Variants in AUTS2 observed in about 807,000 individuals in gnomAD.
The protein encoded by AUTS2 is autism susceptibility gene 2 protein.
In AUTS2, 17 loss-of-function variants were observed where a neutral mutation model predicts 112.4. The observed-to-expected ratio is 0.15, with a 90% CI of 0.10 to 0.23. The LOEUF is 0.23. Ranked by LOEUF, AUTS2 falls within the 10% of genes least tolerant of loss-of-function variation. The pLI is 1.00. For missense variants in AUTS2, 1,510 were observed against 1,701.6 expected, an observed-to-expected ratio of 0.89 and a Z score of 1.98; for synonymous variants, 751 against 702.7, an observed-to-expected ratio of 1.07 and a Z score of -1.09.
chr7:70,678,081 CA>C (rs1381882313), intron 5 of AUTS2, among the ~76,000 whole-genome samples: 1 of 151,488 alleles, frequency 6.6e-6, no homozygotes. Context: ...GATTCTGCCT[CA>C]AAAAAAATTA....
intron 4 of AUTS2, among the ~76,000 whole-genome samples, chr7:70,340,284 C>T (rs1791204862): frequency 6.6e-6 from 1 of 151,426 alleles, no homozygotes; most frequent in Non-Finnish European, 1.5e-5. Flanking sequence ...GCATAAATGT[C>T]AAGATATATA....
intron 4 of AUTS2, among the ~76,000 whole-genome samples, chr7:70,321,158 A>G (rs1469688336): frequency 1.3e-5 from 2 of 152,232 alleles, no homozygotes; most frequent in Admixed American, 1.3e-4. Context: ...GAAAGGTTGG[A>G]AATCTGAGGA....
At chr7:70,649,044 GTC>G (rs539227332) in intron 5 of AUTS2, among the ~76,000 whole-genome samples, 116 of 152,292 alleles carry the variant, frequency 7.6e-4, no homozygotes, top group Middle Eastern at 3.4e-3. Context: ...ATTGACCTAA[GTC>G]TCTGATTATA....
intron 1 of AUTS2, among the ~76,000 whole-genome samples, chr7:69,670,840 C>G (rs1243465509): frequency 6.6e-6 from 1 of 152,008 alleles, no homozygotes; most frequent in South Asian, 2.1e-4. Flanking sequence ...GTACTCCAGC[C>G]TGGGTGACTG....
At chr7:69,691,482 T>C (rs1239680427) in intron 1 of AUTS2, among the ~76,000 whole-genome samples, 1 of 151,910 alleles carries the variant, frequency 6.6e-6, no homozygotes, top group Non-Finnish European at 1.5e-5. Context: ...GGGGCCGAGG[T>C]GGCAGAGGGC....
At chr7:70,062,073 C>G (rs956943401) in intron 2 of AUTS2, among the ~76,000 whole-genome samples, 1 of 151,540 alleles carries the variant, frequency 6.6e-6, no homozygotes, top group Admixed American at 6.6e-5. Flanking sequence ...CAGGCGTGAG[C>G]CACTGTGCCC....
At chr7:69,956,325 A>G (rs1443290225) in intron 2 of AUTS2, among the ~76,000 whole-genome samples, 7 of 152,218 alleles carry the variant, frequency 4.6e-5, no homozygotes, top group Non-Finnish European at 7.3e-5. Flanking sequence ...TCAAATGCAC[A>G]TACATACCTG....
intron 1 of AUTS2, among the ~76,000 whole-genome samples, chr7:69,863,847 G>T (rs1470516062): frequency 6.6e-6 from 1 of 152,176 alleles, no homozygotes; most frequent in African/African-American, 2.4e-5. Flanking sequence ...GCACCATAAT[G>T]CCATTAAGGC....
intron 4 of AUTS2, among the ~76,000 whole-genome samples, chr7:70,254,393 C>T (rs1361651405): frequency 6.6e-6 from 1 of 151,186 alleles, no homozygotes; most frequent in Non-Finnish European, 1.5e-5. Context: ...ATTAGTATTT[C>T]ATTATTCCAT....
intron 1 of AUTS2, among the ~76,000 whole-genome samples, chr7:69,750,500 T>C (rs538495767): frequency 7.3e-5 from 11 of 150,668 alleles, no homozygotes; most frequent in Middle Eastern, 3.5e-3. Flanking sequence ...GTAGTAGTAG[T>C]AGCAGTAGTA....
chr7:69,900,675 G>A (rs1794932936), intron 2 of AUTS2, among the ~76,000 whole-genome samples: 2 of 152,312 alleles, frequency 1.3e-5, no homozygotes, highest in South Asian at 2.1e-4. Flanking sequence ...ATATGATGTA[G>A]TGGGCAGTTT....
intron 4 of AUTS2, among the ~76,000 whole-genome samples, chr7:70,411,803 C>T (rs1794788233): frequency 6.6e-6 from 1 of 151,794 alleles, no homozygotes; most frequent in Non-Finnish European, 1.5e-5. Context: ...GACAACATGG[C>T]AGGTACTAAA....
chr7:70,623,236 T>C (rs951897457), intron 5 of AUTS2, among the ~76,000 whole-genome samples: 1 of 152,230 alleles, frequency 6.6e-6, no homozygotes, highest in Non-Finnish European at 1.5e-5. Context: ...TAGTTTCATT[T>C]AGCAGACCAG....
At chr7:69,944,863 GC>G (rs1796750347) in intron 2 of AUTS2, among the ~76,000 whole-genome samples, 1 of 152,166 alleles carries the variant, frequency 6.6e-6, no homozygotes, top group Non-Finnish European at 1.5e-5. Context: ...CAGCAAAGCA[GC>G]CTACTTTGAT....
chr7:70,113,096 C>T (rs1035819756), intron 2 of AUTS2, among the ~76,000 whole-genome samples: 8 of 152,028 alleles, frequency 5.3e-5, no homozygotes, highest in African/African-American at 1.9e-4. Flanking sequence ...ATTCTGTGAT[C>T]CCAGAAAAAT....
At chr7:70,595,965 C>A (rs185367731) in intron 5 of AUTS2, 18 of 150,120 alleles carry the variant, frequency 1.2e-4, no homozygotes, top group African/African-American at 4.0e-4. Flanking sequence ...GCGCGCTCTG[C>A]CTGCGCGCTT....
At chr7:69,688,187 C>T (rs78201369) in intron 1 of AUTS2, among the ~76,000 whole-genome samples, 2,949 of 152,284 alleles carry the variant, frequency 0.019, 94 homozygotes, top group African/African-American at 0.064. Flanking sequence ...CAGCTGTTGT[C>T]TGGTGACCAA....
intron 4 of AUTS2, among the ~76,000 whole-genome samples, chr7:70,295,642 C>T (rs1788898766): frequency 6.6e-6 from 1 of 152,132 alleles, no homozygotes; most frequent in African/African-American, 2.4e-5. Context: ...TACTCCAACT[C>T]AACTGCTCCC....
intron 5 of AUTS2, among the ~76,000 whole-genome samples, chr7:70,495,549 A>AC (rs879926335): frequency 2.6e-5 from 4 of 151,214 alleles, no homozygotes; most frequent in Non-Finnish European, 5.9e-5. Context: ...ATAGACACAC[A>AC]CCCCCCGCAC....
Sources: allele counts gnomAD v4.1 joint callset (sites outside exome capture counted in the v4.1 genomes callset), GRCh38; gene constraint gnomAD v4.1.1; transcripts MANE v1.5; gene names NCBI Gene and HGNC (gene_info 2026-07-23, HGNC 2026-07-21).